The following DCC variants were observed in gnomAD, a reference collection of about 807,000 sequenced individuals.
DCC encodes the protein DCC netrin 1 receptor.
In DCC, 58 loss-of-function variants were observed where a neutral mutation model predicts 172.5. The observed-to-expected ratio is 0.34, with a 90% CI of 0.27 to 0.42. DCC has a LOEUF of 0.42. Among genes scored for constraint, DCC ranks in the 10% least tolerant of loss-of-function variants. DCC has a pLI of 1.00. For synonymous variants in DCC, 709 were observed against 644.5 expected (o/e 1.10, Z -1.52); for missense variants, 1,740 against 1,791.0 (o/e 0.97, Z 0.51).
intron 5 of DCC, among the ~76,000 whole-genome samples, chr18:53,051,995 C>G (rs193296985): frequency 7.8e-4 from 118 of 152,062 alleles, no homozygotes; most frequent in African/African-American, 2.7e-3. Flanking sequence ...TTTCTTTGTA[C>G]TCTTTTTTTT....
At chr18:53,502,315 C>G (rs1047189402) in intron 27 of DCC, among the ~76,000 whole-genome samples, 1 of 152,144 alleles carries the variant, frequency 6.6e-6, no homozygotes, top group Non-Finnish European at 1.5e-5. Context: ...GTGTTTCTCT[C>G]TTATTGTCTT....
At chr18:53,301,581 C>G (rs1568040674) in intron 12 of DCC, among the ~76,000 whole-genome samples, 1 of 152,170 alleles carries the variant, frequency 6.6e-6, no homozygotes, top group Non-Finnish European at 1.5e-5. Flanking sequence ...TCTTTCCCCT[C>G]CCCAAACCCT....
chr18:52,868,299 T>G (rs1284281803), intron 2 of DCC, among the ~76,000 whole-genome samples: 1 of 152,082 alleles, frequency 6.6e-6, no homozygotes, highest in Non-Finnish European at 1.5e-5. Context: ...AAAACGGGTT[T>G]AATGGAGAGG....
chr18:52,961,535 C>T (rs1670524898), intron 5 of DCC, among the ~76,000 whole-genome samples: 1 of 152,160 alleles, frequency 6.6e-6, no homozygotes, highest in African/African-American at 2.4e-5. Flanking sequence ...TCCCTGATCA[C>T]TGCTGAAGGA....
chr18:53,065,932 C>T, intron 6 of DCC, 114 bp from the exon 7 acceptor site: 6 of 1,300,106 alleles, frequency 4.6e-6, no homozygotes, highest in South Asian at 3.6e-5. Context: ...CTCATGGCCT[C>T]TCCTCTTGTT....
At chr18:53,497,853 C>A (rs749662429) in intron 26 of DCC, among the ~76,000 whole-genome samples, 1 of 152,190 alleles carries the variant, frequency 6.6e-6, no homozygotes, top group African/African-American at 2.4e-5. Flanking sequence ...GATTTCCTAG[C>A]CTGGAAATAA....
chr18:53,388,940 A>G (rs1908364727), intron 16 of DCC, among the ~76,000 whole-genome samples: 1 of 152,002 alleles, frequency 6.6e-6, no homozygotes. Flanking sequence ...GTGCCCCACT[A>G]TACCTGGTAT....
At chr18:52,709,429 A>C (rs1271453522) in intron 1 of DCC, among the ~76,000 whole-genome samples, 1 of 152,178 alleles carries the variant, frequency 6.6e-6, no homozygotes, top group Non-Finnish European at 1.5e-5. Flanking sequence ...ATGGTAGAAA[A>C]CAAGGGCCTA....
intron 1 of DCC, among the ~76,000 whole-genome samples, chr18:52,693,916 C>G (rs1466218304): frequency 6.6e-6 from 1 of 152,048 alleles, no homozygotes; most frequent in Non-Finnish European, 1.5e-5. Flanking sequence ...AGTCATAAAT[C>G]TTTCTTATAG....
chr18:52,861,799 G>A (rs1598876621), intron 2 of DCC, among the ~76,000 whole-genome samples: 1 of 152,116 alleles, frequency 6.6e-6, no homozygotes, highest in African/African-American at 2.4e-5. Flanking sequence ...TGGGTCTAAT[G>A]ACAAGATCTC....
intron 1 of DCC, among the ~76,000 whole-genome samples, chr18:52,354,192 T>A (rs755397303): frequency 6.6e-6 from 1 of 152,172 alleles, no homozygotes; most frequent in Non-Finnish European, 1.5e-5. Flanking sequence ...AGAAGGACTT[T>A]CAGTGCTAAC....
rs1470851946 is a variant in DCC at position 52,964,373 on chromosome 18, A to T, written c.985+39003A>T. On this transcript the variant is annotated intron_variant, in intron 5 of 28. Transcript: ENST00000442544. ...CATTATTTGTTAATAAAAAACATGA[A>T]ATGATATAAATTCCAAAGGAAAAGA... Among the ~76,000 whole-genome samples the T allele has an allele frequency of 2.0e-5, 3 of 152,168 alleles. No individual in the cohort carries two copies. The East Asian group carries it at 5.8e-4, about 29-fold the overall frequency.
intron 1 of DCC, among the ~76,000 whole-genome samples, chr18:52,631,496 C>G (rs887569726): frequency 2.0e-5 from 3 of 152,158 alleles, no homozygotes; most frequent in Non-Finnish European, 2.9e-5. Context: ...CTTCACCCAG[C>G]CTTGCTAATT....
intron 1 of DCC, among the ~76,000 whole-genome samples, chr18:52,736,530 T>G (rs2036732992): frequency 6.6e-6 from 1 of 152,078 alleles, no homozygotes; most frequent in East Asian, 1.9e-4. Context: ...TTTCATACTG[T>G]TTTTTGAACT....
Position 52,596,913 on chromosome 18 carries a change from T to A in DCC, c.92-155141T>A, listed in dbSNP as rs2033920096. 3.3e-5 allele frequency among the ~76,000 whole-genome samples: 5 copies of A among 152,212 alleles called. No individual in the cohort carries two copies. In the South Asian group the frequency reaches 1.0e-3, roughly 31 times the overall value. On this transcript the variant is annotated intron_variant, in intron 1 of 28. Coordinates refer to ENST00000442544, the MANE Select transcript of DCC (RefSeq NM_005215.4). The stretch of plus-strand genomic sequence containing the variant: ...GGAGTCTCCGTGTTTGTTTTTTCCC[T>A]GAGCTTCGCTTTCCTTGCTTGGATA...
intron 7 of DCC, among the ~76,000 whole-genome samples, chr18:53,090,393 A>G (rs1378487040): frequency 6.6e-6 from 1 of 151,944 alleles, no homozygotes; most frequent in Non-Finnish European, 1.5e-5. Flanking sequence ...AAGAACTAGC[A>G]TTTTGAGGGG....
At chr18:52,661,098 G>T (rs1162479088) in intron 1 of DCC, among the ~76,000 whole-genome samples, 1 of 152,180 alleles carries the variant, frequency 6.6e-6, no homozygotes, top group Non-Finnish European at 1.5e-5. Flanking sequence ...AATTCTGAAA[G>T]GTGGATGGAT....
At chr18:53,448,047 G>GTTTT (rs35238619) in intron 22 of DCC, among the ~76,000 whole-genome samples, 23 of 113,696 alleles carry the variant, frequency 2.0e-4, no homozygotes, top group African/African-American at 4.7e-4. Flanking sequence ...ATTTTGATGA[G>GTTTT]TTTTTTTTTT....
At position 53,409,705 on chromosome 18, in the gene DCC, A is replaced by G. The variant is rs549864048; in HGVS notation, c.2936-747A>G. On this transcript the variant is annotated intron_variant, in intron 19 of 28. Transcript: ENST00000442544. Reference sequence around the variant, plus strand: ...TACACACAACTAGCACTCAAGTAACATATCCCCTAACACAGAAAATCAATA... The same window carrying G: ...TACACACAACTAGCACTCAAGTAACGTATCCCCTAACACAGAAAATCAATA... 1.1e-4 allele frequency among the ~76,000 whole-genome samples: 16 copies of G among 152,320 alleles called. No homozygotes were observed. The South Asian group carries it at 3.3e-3, about 32-fold the overall frequency.
Sources: gnomAD v4.1 joint callset for allele counts (sites outside exome capture counted in the v4.1 genomes callset) on GRCh38, gnomAD v4.1.1 for gene constraint, MANE v1.5 for transcripts, NCBI Gene and HGNC (gene_info 2026-07-23, HGNC 2026-07-21) for gene names.